The following FSTL5 variants were observed in gnomAD, a reference collection of about 807,000 sequenced individuals.
The protein encoded by FSTL5 is follistatin like 5, also known as follistatin-related protein 5.
Under a neutral mutation model 89.1 loss-of-function variants are expected in FSTL5, and 62 were observed. That is an observed-to-expected ratio of 0.70 (90% CI 0.57 to 0.86). The LOEUF is 0.86. Among genes scored for constraint, FSTL5 ranks in the 40% least tolerant of loss-of-function variants. The pLI is 0.00. For missense variants in FSTL5, 1,057 were observed against 1,001.6 expected (o/e 1.06, Z -0.75); for synonymous variants, 383 against 346.2 (o/e 1.11, Z -1.18).
At chr4:161,676,485 A>G (rs1737308617) in intron 6 of FSTL5, among the ~76,000 whole-genome samples, 1 of 151,962 alleles carries the variant, frequency 6.6e-6, no homozygotes, top group African/African-American at 2.4e-5. Context: ...GGGGAACATC[A>G]CACACCGGGG....
chr4:161,887,392 C>CATCTATCTATCTATCTATCTATCTATCT (rs60103951), intron 4 of FSTL5, among the ~76,000 whole-genome samples: 6 of 133,142 alleles, frequency 4.5e-5, no homozygotes, highest in African/African-American at 1.6e-4. Flanking sequence ...CTCTATCTAT[C>CATCTATCTATCTATCTATCTATCTATCT]ATCTATCTAT....
At chr4:161,492,985 C>T (rs564870339) in intron 12 of FSTL5, among the ~76,000 whole-genome samples, 103 of 151,964 alleles carry the variant, frequency 6.8e-4, no homozygotes, top group Non-Finnish European at 1.2e-3. Flanking sequence ...CACCTCCAAA[C>T]TGATATTTGT....
At chr4:161,680,766 T>C (rs1372810045) in intron 6 of FSTL5, among the ~76,000 whole-genome samples, 4 of 151,974 alleles carry the variant, frequency 2.6e-5, no homozygotes, top group Non-Finnish European at 5.9e-5. Context: ...AAAACATTTG[T>C]CAAGTAACAA....
intron 3 of FSTL5, among the ~76,000 whole-genome samples, chr4:161,945,336 C>G (rs547759415): frequency 6.6e-6 from 1 of 152,296 alleles, no homozygotes; most frequent in South Asian, 2.1e-4. Flanking sequence ...GTTGAGAACT[C>G]TATAAATAAT....
intron 6 of FSTL5, among the ~76,000 whole-genome samples, chr4:161,717,737 A>C (rs1739037077): frequency 6.6e-6 from 1 of 152,232 alleles, no homozygotes; most frequent in Admixed American, 6.5e-5. Context: ...ATAAACCAAA[A>C]TATTAGCATG....
intron 15 of FSTL5, among the ~76,000 whole-genome samples, chr4:161,448,747 A>G (rs1164069023): frequency 6.6e-6 from 1 of 152,116 alleles, no homozygotes; most frequent in Non-Finnish European, 1.5e-5. Flanking sequence ...ATAAATCCTT[A>G]GCCCCTTACT....
intron 15 of FSTL5, among the ~76,000 whole-genome samples, chr4:161,447,622 G>A (rs1179102164): frequency 6.6e-6 from 1 of 152,010 alleles, no homozygotes; most frequent in Admixed American, 6.6e-5. Context: ...CGTGTGGCCT[G>A]TATTAATATG....
chr4:162,161,606 T>C (rs1439881111), intron 1 of FSTL5, among the ~76,000 whole-genome samples: 1 of 151,976 alleles, frequency 6.6e-6, no homozygotes, highest in African/African-American at 2.4e-5. Flanking sequence ...TTCCAGATAT[T>C]GGTAGTTCAA....
chr4:161,411,671 T>C (rs1195852357), intron 15 of FSTL5, among the ~76,000 whole-genome samples: 3 of 152,132 alleles, frequency 2.0e-5, no homozygotes, highest in African/African-American at 7.2e-5. Context: ...AGACTAGGCA[T>C]CAAAGGAACA....
intron 8 of FSTL5, among the ~76,000 whole-genome samples, chr4:161,561,626 A>G (rs1732605207): frequency 1.3e-5 from 2 of 151,964 alleles, no homozygotes; most frequent in South Asian, 4.1e-4. Flanking sequence ...AGCTCAAAAA[A>G]CTGAACAATA....
At chr4:162,158,864 T>C (rs1461860960) in intron 1 of FSTL5, among the ~76,000 whole-genome samples, 1 of 152,064 alleles carries the variant, frequency 6.6e-6, no homozygotes, top group Non-Finnish European at 1.5e-5. Context: ...AAAAAGCAAA[T>C]TCAGGATCAA....
At chr4:161,469,588 A>G (rs545585659) in intron 13 of FSTL5, among the ~76,000 whole-genome samples, 185 of 151,990 alleles carry the variant, frequency 1.2e-3, no homozygotes, top group African/African-American at 4.4e-3. Flanking sequence ...GGCTATATGT[A>G]TAACGTCTTT....
chr4:161,474,590 G>T (rs1247971402), intron 13 of FSTL5, among the ~76,000 whole-genome samples: 1 of 148,630 alleles, frequency 6.7e-6, no homozygotes, highest in Non-Finnish European at 1.5e-5. Flanking sequence ...CTCTCGCTCA[G>T]GCTGGAGTGC....
chr4:161,477,059 ATGT>A (rs1243110044), intron 13 of FSTL5, among the ~76,000 whole-genome samples: 1 of 152,154 alleles, frequency 6.6e-6, no homozygotes, highest in Non-Finnish European at 1.5e-5. Flanking sequence ...ATTTGTTTCC[ATGT>A]TGTTTCCATT....
At chr4:162,114,622 CAACT>C (rs1451605347) in intron 1 of FSTL5, among the ~76,000 whole-genome samples, 8 of 151,628 alleles carry the variant, frequency 5.3e-5, no homozygotes, top group Non-Finnish European at 1.0e-4. Context: ...AGCAAATTAA[CAACT>C]AACTTTAATA....
chr4:161,991,666 T>C (rs1489076136), intron 3 of FSTL5, among the ~76,000 whole-genome samples: 5 of 152,152 alleles, frequency 3.3e-5, no homozygotes, highest in Non-Finnish European at 5.9e-5. Flanking sequence ...GTTTTTCATA[T>C]ATGCAGTTTC....
intron 10 of FSTL5, among the ~76,000 whole-genome samples, chr4:161,522,546 AAT>A (rs1166042548): frequency 1.3e-5 from 2 of 151,484 alleles, no homozygotes; most frequent in African/African-American, 4.8e-5. Flanking sequence ...ATATATAACT[AAT>A]AAAATACATA....
intron 9 of FSTL5, among the ~76,000 whole-genome samples, chr4:161,539,603 C>T (rs541743491): frequency 8.5e-5 from 13 of 152,272 alleles, no homozygotes; most frequent in Admixed American, 7.9e-4. Flanking sequence ...GTGGGCCACA[C>T]AATTTCTGTG....
At chr4:161,448,106 C>CA (rs767965014) in intron 15 of FSTL5, among the ~76,000 whole-genome samples, 3 of 151,900 alleles carry the variant, frequency 2.0e-5, no homozygotes, top group Non-Finnish European at 4.4e-5. Flanking sequence ...AGAGTGTAGA[C>CA]AGAGTTGGCT....
Sources: allele counts gnomAD v4.1 joint callset (sites outside exome capture counted in the v4.1 genomes callset), GRCh38; gene constraint gnomAD v4.1.1; transcripts MANE v1.5; gene names NCBI Gene and HGNC (gene_info 2026-07-23, HGNC 2026-07-21).